Variants in HPSE2 observed in about 807,000 individuals in gnomAD.
The protein encoded by HPSE2 is heparanase 2 (inactive).
Under a neutral mutation model 60.5 loss-of-function variants are expected in HPSE2, and 38 were observed. The observed-to-expected ratio is 0.63, with a 90% CI of 0.48 to 0.82. The LOEUF is 0.82. Among genes scored for constraint, HPSE2 ranks in the 40% least tolerant of loss-of-function variants. The probability of loss-of-function intolerance (pLI) is 0.00; values close to 1 mark genes in which losing one functional copy is unlikely to be tolerated. For synonymous variants in HPSE2, 295 were observed against 293.2 expected (o/e 1.01, Z -0.06); for missense variants, 713 against 740.4 (o/e 0.96, Z 0.43).
At chr10:99,305,979 G>GCACACACACACACACACACACA in the HPSE2 span, among the ~76,000 whole-genome samples, 403 of 80,484 alleles carry the variant, frequency 5.0e-3, 9 homozygotes, top group African/African-American at 0.014. Context: ...GCGCGCGCGC[G>GCACACACACACACACACACACA]CACACACACA....
At chr10:98,883,606 C>T (rs1419989806) in intron 3 of HPSE2, among the ~76,000 whole-genome samples, 1 of 151,916 alleles carries the variant, frequency 6.6e-6, no homozygotes, top group East Asian at 1.9e-4. Flanking sequence ...GGAGTTCAAA[C>T]CCAGCCTGGG....
chr10:99,025,145 T>C (rs1957348714), intron 3 of HPSE2, among the ~76,000 whole-genome samples: 1 of 152,072 alleles, frequency 6.6e-6, no homozygotes, highest in Non-Finnish European at 1.5e-5. Flanking sequence ...AAGACATAAA[T>C]AGAAACAACA....
At chr10:99,314,287 C>T in the HPSE2 span, among the ~76,000 whole-genome samples, 1 of 152,172 alleles carries the variant, frequency 6.6e-6, no homozygotes, top group African/African-American at 2.4e-5. Flanking sequence ...CTCAGCTTCC[C>T]AGGTAGTTGG....
chr10:98,962,889 T>C (rs1008113713), intron 3 of HPSE2, among the ~76,000 whole-genome samples: 5 of 152,296 alleles, frequency 3.3e-5, no homozygotes, highest in African/African-American at 1.2e-4. Context: ...GTGAAGGACC[T>C]CTTCAAGGAG....
intron 2 of HPSE2, among the ~76,000 whole-genome samples, chr10:99,160,492 A>G (rs1846784355): frequency 6.6e-6 from 1 of 152,214 alleles, no homozygotes; most frequent in African/African-American, 2.4e-5. Context: ...AAAACGCTAC[A>G]GCCTCTTTGG....
Position 98,617,571 on chromosome 10 carries a change from T to C in HPSE2, c.1206-2553A>G, listed in dbSNP as rs145425809. On this transcript the variant is annotated intron_variant, in intron 8 of 11. Coordinates refer to ENST00000370552, the MANE Select transcript of HPSE2 (RefSeq NM_021828.5). ...AAATGGCTAGAACCAGAACTACTGC[T>C]TTCCCATGGCTTTAGGAATAGAATG... Among the ~76,000 whole-genome samples the C allele has an allele frequency of 6.7e-3, 1,026 of 152,286 alleles. 10 individuals carry two copies. The highest frequency in any genetic ancestry group is 0.024 in the African/African-American group (985 of 41,560).
At chr10:99,147,587 A>G (rs1189803451) in intron 2 of HPSE2, among the ~76,000 whole-genome samples, 1 of 152,220 alleles carries the variant, frequency 6.6e-6, no homozygotes. Context: ...AAGTAACTAC[A>G]TTACCTTTAT....
the HPSE2 span, among the ~76,000 whole-genome samples, chr10:99,309,668 A>T: frequency 6.6e-6 from 1 of 152,204 alleles, no homozygotes; most frequent in Non-Finnish European, 1.5e-5. Flanking sequence ...GACAGAACTG[A>T]GTATCTGCCA....
intron 4 of HPSE2, among the ~76,000 whole-genome samples, chr10:98,741,037 T>C (rs1374816257): frequency 6.6e-6 from 1 of 152,184 alleles, no homozygotes; most frequent in East Asian, 1.9e-4. Context: ...ATAAAATGTA[T>C]TCTTTAGACT....
chr10:98,928,851 G>A (rs1306995052), intron 3 of HPSE2, among the ~76,000 whole-genome samples: 2 of 93,042 alleles, frequency 2.1e-5, no homozygotes, highest in Non-Finnish European at 3.9e-5. Context: ...GGTGGGGGGA[G>A]GGGGGAGGGA....
At chr10:98,526,200 G>C (rs761272430) in intron 9 of HPSE2, among the ~76,000 whole-genome samples, 3 of 152,210 alleles carry the variant, frequency 2.0e-5, no homozygotes, top group African/African-American at 4.8e-5. Context: ...ACTGGGTGTA[G>C]CAAGGAAGTC....
At chr10:99,000,030 G>A (rs1956741200) in intron 3 of HPSE2, among the ~76,000 whole-genome samples, 1 of 152,000 alleles carries the variant, frequency 6.6e-6, no homozygotes, top group Non-Finnish European at 1.5e-5. Flanking sequence ...GGACAGAATG[G>A]AGAGAAAAAT....
chr10:99,165,735 C>T (rs868500002), intron 2 of HPSE2, among the ~76,000 whole-genome samples: 18 of 151,756 alleles, frequency 1.2e-4, no homozygotes, highest in Non-Finnish European at 1.8e-4. Flanking sequence ...TTAGTAGAGA[C>T]GGGGTTTCAC....
intron 3 of HPSE2, among the ~76,000 whole-genome samples, chr10:98,940,659 G>A (rs1476126118): frequency 7.2e-6 from 1 of 138,534 alleles, no homozygotes; most frequent in Non-Finnish European, 1.5e-5. Context: ...GAGGTACAAG[G>A]AGGAACTGGT....
chr10:99,057,022 C>G (rs1459286273), intron 3 of HPSE2, among the ~76,000 whole-genome samples: 2 of 152,034 alleles, frequency 1.3e-5, no homozygotes, highest in Non-Finnish European at 2.9e-5. Context: ...GTGAAATAAT[C>G]TATAGTGACA....
intron 2 of HPSE2, among the ~76,000 whole-genome samples, chr10:99,218,804 C>T (rs148097113): frequency 8.5e-4 from 130 of 152,280 alleles, no homozygotes; most frequent in Middle Eastern, 3.4e-3. Flanking sequence ...TTTAACTTGG[C>T]TAAGCCTAGC....
chr10:98,905,304 T>A, intron 3 of HPSE2, among the ~76,000 whole-genome samples: 1 of 135,974 alleles, frequency 7.4e-6, no homozygotes. Context: ...ATGCTATCCC[T>A]CCCCCCTCCC....
At chr10:98,722,454 GCCT>G (rs1565110010) in intron 4 of HPSE2, among the ~76,000 whole-genome samples, 1 of 151,780 alleles carries the variant, frequency 6.6e-6, no homozygotes, top group Non-Finnish European at 1.5e-5. Flanking sequence ...CAGATTTCTG[GCCT>G]CCTAAAATAT....
intron 3 of HPSE2, among the ~76,000 whole-genome samples, chr10:99,133,908 G>A (rs888397863): frequency 4.6e-5 from 7 of 152,114 alleles, no homozygotes; most frequent in African/African-American, 1.7e-4. Context: ...CAGAAGGTGG[G>A]TAACAGCAAA....
Sources: gnomAD v4.1 joint callset for allele counts (sites outside exome capture counted in the v4.1 genomes callset) on GRCh38, gnomAD v4.1.1 for gene constraint, MANE v1.5 for transcripts, NCBI Gene and HGNC (gene_info 2026-07-23, HGNC 2026-07-21) for gene names.